The following USP13 variants were observed in gnomAD, a reference collection of about 807,000 sequenced individuals.
USP13 encodes ubiquitin carboxyl-terminal hydrolase 13.
USP13 carries 68 observed loss-of-function variants against 107.8 expected under a neutral mutation model. The observed-to-expected ratio is 0.63, with a 90% confidence interval of 0.52 to 0.77. USP13 has a LOEUF of 0.77. Ranked by LOEUF, USP13 falls within the 30% of genes least tolerant of loss-of-function variation. The pLI, the probability that USP13 is intolerant of heterozygous loss-of-function variation, is 0.00. For synonymous variants in USP13, 377 were observed against 389.5 expected, an observed-to-expected ratio of 0.97 and a Z score of 0.38; for missense variants, 945 against 1,093.3, an observed-to-expected ratio of 0.86 and a Z score of 1.91.
At chr3:179,740,457 A>G in intron 11 of USP13, 85 bp downstream of exon 11, 1 of 1,565,420 alleles carries the variant, frequency 6.4e-7, no homozygotes, top group Non-Finnish European at 8.7e-7. Flanking sequence ...GCTTGATCAG[A>G]ATGCCTCCCC....
chr3:179,715,834 C>T (rs537496198), intron 6 of USP13, among the ~76,000 whole-genome samples: 78 of 152,252 alleles, frequency 5.1e-4, no homozygotes, highest in African/African-American at 1.7e-3. Context: ...TTCTCCTCTC[C>T]GATTTATTAC....
At chr3:179,774,955 A>G (rs1715473715) in intron 19 of USP13, among the ~76,000 whole-genome samples, 2 of 152,198 alleles carry the variant, frequency 1.3e-5, no homozygotes, top group Non-Finnish European at 2.9e-5. Context: ...TTCCCACTAG[A>G]TTAACTAGAC....
chr3:179,682,297 C>T (rs1455157174), intron 2 of USP13, among the ~76,000 whole-genome samples: 1 of 138,290 alleles, frequency 7.2e-6, no homozygotes, highest in South Asian at 2.4e-4. Context: ...TACAGAGACA[C>T]CCATGGATCC....
intron 1 of USP13, among the ~76,000 whole-genome samples, chr3:179,665,490 G>A (rs1299300455): frequency 3.3e-5 from 5 of 152,204 alleles, no homozygotes; most frequent in Non-Finnish European, 5.9e-5. Context: ...TAGGTAATTT[G>A]TTCAAGGATT....
intron 16 of USP13, among the ~76,000 whole-genome samples, chr3:179,759,078 T>G (rs966283841): frequency 6.6e-6 from 1 of 151,694 alleles, no homozygotes; most frequent in Non-Finnish European, 1.5e-5. Flanking sequence ...GCCTCCCGGG[T>G]TCAAGCAATT....
In USP13 at chr3:179,742,500, T is replaced by C; in HGVS notation, c.1534+150T>C. 1 of 1,022,660 alleles carries C rather than the reference T, an allele frequency of 9.8e-7. No individual in the cohort carries two copies. Among genetic ancestry groups the C allele is most frequent in the Non-Finnish European group, 1.4e-6 (1 of 710,756 alleles). 63.3% of individuals were successfully genotyped at this position (1,022,660 alleles called of 1,614,324 possible). A position where few individuals can be genotyped will look rare whatever the true frequency, so the allele number is the denominator to read the frequency against. On this transcript the variant is annotated intron_variant, in intron 12 of 20. Coordinates refer to ENST00000263966, the MANE Select transcript of USP13 (RefSeq NM_003940.3). This position sits in a 1 kb window ranked among gnomAD's most constrained non-coding sequence, Gnocchi z 5.0. ...TGCACATCTCTTTTCATCTCTTTGT[T>C]AGTTCCCATGTGACTTTTCCTTTGA...
intron 19 of USP13, among the ~76,000 whole-genome samples, chr3:179,777,287 G>T (rs1158153490): frequency 6.6e-6 from 1 of 151,930 alleles, no homozygotes; most frequent in Non-Finnish European, 1.5e-5. Context: ...CAACCCATTG[G>T]CTGTGTTGGT....
At chr3:179,757,854 G>A (rs1173680415) in intron 16 of USP13, among the ~76,000 whole-genome samples, 1 of 152,134 alleles carries the variant, frequency 6.6e-6, no homozygotes, top group Non-Finnish European at 1.5e-5. Flanking sequence ...AGTCAGCAAG[G>A]GTCAGCCTGC....
chr3:179,778,933 T>G (rs1715645297), intron 19 of USP13, among the ~76,000 whole-genome samples: 1 of 152,158 alleles, frequency 6.6e-6, no homozygotes, highest in South Asian at 2.1e-4. Flanking sequence ...AGGTGACATT[T>G]GGACCTGAGA....
intron 3 of USP13, among the ~76,000 whole-genome samples, chr3:179,699,075 G>A (rs1712415056): frequency 6.6e-6 from 1 of 151,968 alleles, no homozygotes; most frequent in Non-Finnish European, 1.5e-5. Context: ...CACCATCTTG[G>A]CCAGGCTGGT....
chr3:179,774,351 T>C (rs1374346550), intron 19 of USP13, among the ~76,000 whole-genome samples: 1 of 152,180 alleles, frequency 6.6e-6, no homozygotes, highest in Non-Finnish European at 1.5e-5. Flanking sequence ...GGACCCTCCC[T>C]GTGAGTGTTA....
intron 10 of USP13, among the ~76,000 whole-genome samples, chr3:179,731,428 A>G (rs1007856398): frequency 1.3e-5 from 2 of 152,136 alleles, no homozygotes; most frequent in Admixed American, 1.3e-4. Flanking sequence ...ACAAAAAACA[A>G]CACATAGATT....
At chr3:179,707,679 C>G (rs1282244340) in intron 5 of USP13, among the ~76,000 whole-genome samples, 5 of 152,164 alleles carry the variant, frequency 3.3e-5, no homozygotes, top group Non-Finnish European at 7.3e-5. Flanking sequence ...ACTTACAAGT[C>G]TTTGGTTGTC....
chr3:179,653,570 G>T lies in USP13; in HGVS notation c.168+177G>T, dbSNP rs1720155976. On this transcript the variant is annotated intron_variant, in intron 1 of 20. Transcript: ENST00000263966. The surrounding 1 kb of genome is among the most constrained non-coding windows in gnomAD (Gnocchi z 4.0). ...TGAGCGCCCCAGGGCTGCTGCAGCC[G>T]AGGACTGGCTCGTGCTGGTGGTTTT... The T allele has an allele frequency of 3.4e-6, 3 of 883,058 alleles. No individual in the cohort carries two copies. The highest frequency in any genetic ancestry group is 5.0e-6 in the Non-Finnish European group (3 of 604,216). The allele number at this position is 883,058 out of a possible 1,614,324, so 54.7% of individuals were successfully genotyped here.
At chr3:179,755,903 A>T (rs957846451) in intron 15 of USP13, among the ~76,000 whole-genome samples, 3 of 152,238 alleles carry the variant, frequency 2.0e-5, no homozygotes, top group African/African-American at 7.2e-5. Context: ...TAGGATTCAG[A>T]TAGGCATCTG....
At chr3:179,711,307 C>T (rs1001632533) in intron 6 of USP13, among the ~76,000 whole-genome samples, 4 of 152,142 alleles carry the variant, frequency 2.6e-5, no homozygotes, top group South Asian at 4.1e-4. Flanking sequence ...CAACCTCCAC[C>T]TCCCAGATTC....
At position 179,749,949 on chromosome 3, in the gene USP13, T is replaced by C. The variant is rs562756412; in HGVS notation, c.1710-2336T>C. 8.5e-5 allele frequency among the ~76,000 whole-genome samples: 13 copies of C among 152,234 alleles called. No homozygotes were observed. In the South Asian group the frequency reaches 2.7e-3, roughly 32 times the overall value. Reference sequence around the variant, plus strand: ...AAGCTAATATGGTAGGAAGAGTAGGTAAGAAAAAGAACATTTTTACATTAA... The same window carrying C: ...AAGCTAATATGGTAGGAAGAGTAGGCAAGAAAAAGAACATTTTTACATTAA... On this transcript the variant is annotated intron_variant, in intron 13 of 20. Coordinates refer to ENST00000263966, the MANE Select transcript of USP13 (RefSeq NM_003940.3).
At chr3:179,685,209 G>T (rs1711828763) in intron 2 of USP13, among the ~76,000 whole-genome samples, 2 of 146,360 alleles carry the variant, frequency 1.4e-5, no homozygotes. Context: ...AACCATTACT[G>T]CCATCCTTTA....
At chr3:179,688,809 A>G (rs9810460) in intron 2 of USP13, among the ~76,000 whole-genome samples, 26,983 of 152,054 alleles carry the variant, frequency 0.18, 2,618 homozygotes, top group Non-Finnish European at 0.2. Flanking sequence ...GTGCTTTGCA[A>G]TAGGTTTTAT....
Sources: gnomAD v4.1 joint callset for allele counts (sites outside exome capture counted in the v4.1 genomes callset) on GRCh38, gnomAD v4.1.1 for gene constraint, Gnocchi (gnomAD v3.1) non-coding constraint, MANE v1.5 for transcripts, NCBI Gene and HGNC (gene_info 2026-07-23, HGNC 2026-07-21) for gene names.